The following PRKG1 variants were observed in gnomAD, a reference collection of about 807,000 sequenced individuals.
PRKG1 encodes protein kinase cGMP-dependent 1, also known as cGMP-dependent protein kinase 1.
Under a neutral mutation model 88.1 loss-of-function variants are expected in PRKG1, and 35 were observed. The ratio of observed to expected loss-of-function variants is 0.40; its 90% confidence interval spans 0.30 to 0.53. The LOEUF is 0.53. PRKG1 is among the 20% of genes least tolerant of loss of function. PRKG1 has a pLI of 0.59. For synonymous variants in PRKG1, 303 were observed against 292.5 expected (o/e 1.04, Z -0.37); for missense variants, 540 against 839.8 (o/e 0.64, Z 4.41).
intron 4 of PRKG1, among the ~76,000 whole-genome samples, chr10:51,813,361 G>A (rs765560383): frequency 4.3e-4 from 66 of 152,072 alleles, no homozygotes; most frequent in Non-Finnish European, 5.6e-4. Flanking sequence ...TAATATAATC[G>A]TAGGCAAGAT....
chr10:51,854,997 G>A (rs1382736316), intron 4 of PRKG1, among the ~76,000 whole-genome samples: 1 of 152,164 alleles, frequency 6.6e-6, no homozygotes, highest in Non-Finnish European at 1.5e-5. Context: ...CTGCAAAGTG[G>A]ATGAGTGTTA....
chr10:51,136,136 A>C (rs1012492463), intron 1 of PRKG1, among the ~76,000 whole-genome samples: 6 of 152,152 alleles, frequency 3.9e-5, no homozygotes, highest in African/African-American at 1.4e-4. Context: ...AATAAAAAAA[A>C]TGATCAGTGA....
At chr10:51,924,021 G>C (rs1398593160) in intron 5 of PRKG1, among the ~76,000 whole-genome samples, 1 of 151,924 alleles carries the variant, frequency 6.6e-6, no homozygotes, top group Non-Finnish European at 1.5e-5. Flanking sequence ...TAGAGACTGG[G>C]TTTCACCATG....
In PRKG1 at chr10:52,094,673, G is replaced by C. The variant is rs190467178; in HGVS notation, c.935+32042G>C. Among the ~76,000 whole-genome samples, 26 of 152,236 alleles carry C rather than the reference G, an allele frequency of 1.7e-4. 1 individual carries two copies. The East Asian group carries it at 1.9e-3, about 11-fold the overall frequency. On this transcript the variant is annotated intron_variant, in intron 7 of 17. Transcript: ENST00000373980. ...GGATGCCAGCATGGTAAGTTCTGGTGAGACCTCTCTTCCTGGCTTGCAGAC... is the reference window on the plus strand; with the variant it reads ...GGATGCCAGCATGGTAAGTTCTGGTCAGACCTCTCTTCCTGGCTTGCAGAC...
chr10:51,297,208 A>G (rs919180631), intron 2 of PRKG1, among the ~76,000 whole-genome samples: 1 of 152,012 alleles, frequency 6.6e-6, no homozygotes, highest in Admixed American at 6.6e-5. Flanking sequence ...TGTTGTGGGG[A>G]GGGTAGACAT....
intron 2 of PRKG1, among the ~76,000 whole-genome samples, chr10:51,318,479 T>G (rs1841376619): frequency 6.6e-6 from 1 of 152,160 alleles, no homozygotes; most frequent in Admixed American, 6.5e-5. Context: ...ATAGATAGGT[T>G]TTTAAGATTA....
chr10:52,016,378 C>A (rs553257710), intron 5 of PRKG1, among the ~76,000 whole-genome samples: 1 of 152,268 alleles, frequency 6.6e-6, no homozygotes, highest in South Asian at 2.1e-4. Context: ...TGTTAGAACT[C>A]ACTCATTATC....
intron 2 of PRKG1, among the ~76,000 whole-genome samples, chr10:51,207,206 G>A (rs987321026): frequency 6.6e-6 from 1 of 152,104 alleles, no homozygotes; most frequent in African/African-American, 2.4e-5. Context: ...TCTGCTTCCA[G>A]GCTTTATAAT....
intron 1 of PRKG1, among the ~76,000 whole-genome samples, chr10:51,103,134 T>TAA (rs1554836275): frequency 0.014 from 1,508 of 109,994 alleles, 34 homozygotes; most frequent in Admixed American, 0.082. Flanking sequence ...TATTCAAAAG[T>TAA]AAAAAAAAAA....
chr10:52,065,416 A>G (rs1846332324), intron 7 of PRKG1, among the ~76,000 whole-genome samples: 1 of 152,216 alleles, frequency 6.6e-6, no homozygotes, highest in South Asian at 2.1e-4. Flanking sequence ...CTTCATTTAA[A>G]AAATTACATT....
chr10:51,435,277 G>A (rs944770026), intron 2 of PRKG1, among the ~76,000 whole-genome samples: 3 of 151,930 alleles, frequency 2.0e-5, no homozygotes, highest in Non-Finnish European at 4.4e-5. Context: ...ATAACGGATT[G>A]ATCTTTATAA....
At chr10:52,129,204 C>A (rs913122909) in intron 7 of PRKG1, among the ~76,000 whole-genome samples, 3 of 152,178 alleles carry the variant, frequency 2.0e-5, no homozygotes, top group African/African-American at 7.2e-5. Context: ...CTGTGTGAAA[C>A]CAGTATCATA....
intron 9 of PRKG1, among the ~76,000 whole-genome samples, chr10:52,223,309 A>G (rs1238979525): frequency 1.3e-5 from 2 of 150,208 alleles, no homozygotes; most frequent in African/African-American, 4.8e-5. Flanking sequence ...TCTGAAATTC[A>G]AGTTTTGATT....
At chr10:52,179,414 C>T (rs1222364671) in intron 9 of PRKG1, among the ~76,000 whole-genome samples, 2 of 151,980 alleles carry the variant, frequency 1.3e-5, no homozygotes, top group Admixed American at 6.6e-5. Flanking sequence ...ACTATATCAC[C>T]CCATTCTTTC....
intron 2 of PRKG1, among the ~76,000 whole-genome samples, chr10:51,462,961 A>G (rs1010583858): frequency 6.6e-6 from 1 of 152,194 alleles, no homozygotes; most frequent in Admixed American, 6.5e-5. Flanking sequence ...AGCAGAATAT[A>G]TAAATTACCA....
At chr10:52,174,618 G>A (rs1838805974) in intron 9 of PRKG1, among the ~76,000 whole-genome samples, 3 of 151,902 alleles carry the variant, frequency 2.0e-5, no homozygotes, top group African/African-American at 2.4e-5. Context: ...TGCATTATAT[G>A]GGTTGTGTCT....
chr10:51,586,676 C>T (rs1051839300), intron 3 of PRKG1, among the ~76,000 whole-genome samples: 4 of 152,096 alleles, frequency 2.6e-5, no homozygotes, highest in African/African-American at 9.7e-5. Flanking sequence ...TTTCTGAGCA[C>T]AAATTTACAA....
At chr10:51,384,629 C>T (rs1024668218) in intron 2 of PRKG1, among the ~76,000 whole-genome samples, 22 of 152,248 alleles carry the variant, frequency 1.4e-4, no homozygotes, top group Admixed American at 7.9e-4. Context: ...CTATTTTTAT[C>T]GTGAATCCCT....
intron 5 of PRKG1, among the ~76,000 whole-genome samples, chr10:51,973,684 A>C (rs192801431): frequency 7.9e-5 from 12 of 152,278 alleles, no homozygotes; most frequent in African/African-American, 2.6e-4. Context: ...ATCTGTTTTT[A>C]TTAGATGAGA....
Sources: gnomAD v4.1 joint callset for allele counts (sites outside exome capture counted in the v4.1 genomes callset) on GRCh38, gnomAD v4.1.1 for gene constraint, MANE v1.5 for transcripts, NCBI Gene and HGNC (gene_info 2026-07-23, HGNC 2026-07-21) for gene names.